The following ESRRB variants were observed in gnomAD, a reference collection of about 807,000 sequenced individuals.
ESRRB encodes estrogen related receptor beta.
Under a neutral mutation model 46.0 loss-of-function variants are expected in ESRRB, and 16 were observed. That is an observed-to-expected ratio of 0.35 (90% confidence interval 0.24 to 0.53). The LOEUF is 0.53. Ranked by LOEUF, ESRRB falls within the 20% of genes least tolerant of loss-of-function variation. The pLI, the probability that ESRRB is intolerant of heterozygous loss-of-function variation, is 0.93. For synonymous variants in ESRRB, 246 were observed against 259.6 expected, an observed-to-expected ratio of 0.95 and a Z score of 0.50; for missense variants, 488 against 607.4, an observed-to-expected ratio of 0.80 and a Z score of 2.07.
At chr14:76,411,847 A>G (rs1218088804) in intron 1 of ESRRB, among the ~76,000 whole-genome samples, 3 of 152,210 alleles carry the variant, frequency 2.0e-5, no homozygotes, top group African/African-American at 7.2e-5. Flanking sequence ...CCTCAACTAT[A>G]AGAATAGTAT....
intron 3 of ESRRB, among the ~76,000 whole-genome samples, chr14:76,476,485 A>G (rs895589582): frequency 2.0e-5 from 3 of 152,226 alleles, no homozygotes; most frequent in Admixed American, 2.0e-4. Flanking sequence ...CACAAACAAT[A>G]AGGCAACTCT....
chr14:76,367,873 G>C (rs978718991), upstream of ESRRB, among the ~76,000 whole-genome samples: 1 of 151,302 alleles, frequency 6.6e-6, no homozygotes, highest in Non-Finnish European at 1.5e-5. Flanking sequence ...TCCTTGTGGT[G>C]CTCAGACACC....
At chr14:76,460,292 C>T (rs1255767409) in intron 2 of ESRRB, among the ~76,000 whole-genome samples, 4 of 152,212 alleles carry the variant, frequency 2.6e-5, no homozygotes, top group African/African-American at 9.6e-5. Flanking sequence ...TCCCCATCCT[C>T]CTTGTGAGAT....
chr14:76,332,608 TTATATATTATATAAA>T (rs1566853125), intron 1 of ESRRB, among the ~76,000 whole-genome samples: 10 of 44,314 alleles, frequency 2.3e-4, no homozygotes, highest in African/African-American at 1.1e-3. Context: ...TATTATATAT[TTATATATTATATAAA>T]TATATATTAT....
intron 1 of ESRRB, among the ~76,000 whole-genome samples, chr14:76,392,017 C>T (rs1228258374): frequency 3.9e-5 from 6 of 152,238 alleles, no homozygotes; most frequent in Admixed American, 3.9e-4. Flanking sequence ...TTTCTTTCTG[C>T]TGGCAACATC....
At chr14:76,377,058 C>T (rs1198905585) in intron 1 of ESRRB, among the ~76,000 whole-genome samples, 1 of 152,180 alleles carries the variant, frequency 6.6e-6, no homozygotes, top group African/African-American at 2.4e-5. Context: ...CCCAGCGCTG[C>T]GTCGTAGGCA....
chr14:76,329,437 G>A (rs893055902), intron 1 of ESRRB, among the ~76,000 whole-genome samples: 2 of 152,124 alleles, frequency 1.3e-5, no homozygotes, highest in African/African-American at 4.8e-5. Flanking sequence ...AAACAGCTGT[G>A]CACAGCAGAA....
chr14:76,334,358 C>T (rs1884100369), intron 1 of ESRRB, among the ~76,000 whole-genome samples: 1 of 152,136 alleles, frequency 6.6e-6, no homozygotes, highest in African/African-American at 2.4e-5. Flanking sequence ...ACACCTGTTC[C>T]CAGGTGAAGG....
intron 2 of ESRRB, among the ~76,000 whole-genome samples, chr14:76,452,326 A>C (rs1421196700): frequency 5.3e-5 from 8 of 152,056 alleles, no homozygotes; most frequent in Admixed American, 5.2e-4. Flanking sequence ...GGCTTGAGGA[A>C]CTTTCAAAAG....
At chr14:76,457,002 G>T (rs1888642178) in intron 2 of ESRRB, among the ~76,000 whole-genome samples, 1 of 152,110 alleles carries the variant, frequency 6.6e-6, no homozygotes, top group Non-Finnish European at 1.5e-5. Context: ...GAGCCCACAG[G>T]TCCCCGAGAG....
At chr14:76,483,156 G>A (rs1044351871) in intron 5 of ESRRB, among the ~76,000 whole-genome samples, 3 of 152,224 alleles carry the variant, frequency 2.0e-5, no homozygotes, top group Admixed American at 1.3e-4. Flanking sequence ...CCTATTGGAG[G>A]CAGCAGAATG....
chr14:76,480,021 C>T (rs1256758840), intron 3 of ESRRB, among the ~76,000 whole-genome samples: 2 of 152,128 alleles, frequency 1.3e-5, no homozygotes, highest in Non-Finnish European at 2.9e-5. Flanking sequence ...GCACGTGCCA[C>T]CACACCTGGC....
At chr14:76,438,705 T>C (rs998937133) in intron 1 of ESRRB, among the ~76,000 whole-genome samples, 1 of 152,148 alleles carries the variant, frequency 6.6e-6, no homozygotes, top group Non-Finnish European at 1.5e-5. Context: ...ATTATTGTTA[T>C]GCAGGAAGGT....
At chr14:76,447,697 C>G (rs987875581) in intron 2 of ESRRB, among the ~76,000 whole-genome samples, 3 of 152,130 alleles carry the variant, frequency 2.0e-5, no homozygotes, top group Admixed American at 1.3e-4. Context: ...ACCTTTAACT[C>G]TGCTTCCTGT....
intron 1 of ESRRB, among the ~76,000 whole-genome samples, chr14:76,343,679 G>A (rs1205036775): frequency 6.6e-6 from 1 of 152,242 alleles, no homozygotes; most frequent in East Asian, 1.9e-4. Context: ...CTCATAGCAT[G>A]GTGATTAGGT....
intron 1 of ESRRB, among the ~76,000 whole-genome samples, chr14:76,329,983 G>A (rs1883992447): frequency 9.5e-6 from 1 of 105,004 alleles, no homozygotes; most frequent in Non-Finnish European, 2.0e-5. Flanking sequence ...GGAGGGAGGG[G>A]AAGAGGGAAG....
In ESRRB at chr14:76,439,668, G is replaced by A. The variant is rs190465039; in HGVS notation, c.378G>A (p.Val126=). The change falls in exon 2 of 7, where the codon GTG becomes GTA. Residue 126 remains valine (V), a synonymous_variant. Transcript: ENST00000644823. ...CCATCCCCAAGCGCCTGTGCCTCGT[G>A]TGCGGGGACATTGCCTCTGGCTACC... The part of the protein sequence containing the change: ...LNAIPKRLCL[V]CGDIASGYHY... The A allele has an allele frequency of 1.4e-5, 23 of 1,614,250 alleles. No individual in the cohort carries two copies. In the East Asian group the frequency reaches 4.5e-4, roughly 31 times the overall value.
chr14:76,453,629 G>T (rs571221762), intron 2 of ESRRB, among the ~76,000 whole-genome samples: 47 of 136,144 alleles, frequency 3.5e-4, no homozygotes, highest in Middle Eastern at 4.0e-3. Context: ...ACTGGGTCTC[G>T]CTCTGTCACC....
At position 76,435,464 on chromosome 14, in the gene ESRRB, G is replaced by A. The variant is rs140809268; in HGVS notation, c.51-3877G>A. ...GTTCCCATTATCTGGCCAGCACTTG[G>A]CACATAGTAGGTGCAAAAAATACAC... On this transcript the variant is annotated intron_variant, in intron 1 of 6. Transcript: ENST00000644823. Among the ~76,000 whole-genome samples the A allele has an allele frequency of 3.2e-3, 480 of 152,334 alleles. 6 individuals carry two copies. Among genetic ancestry groups the A allele is most frequent in the African/African-American group, 0.011 (460 of 41,574 alleles).
Sources: allele counts gnomAD v4.1 joint callset (sites outside exome capture counted in the v4.1 genomes callset), GRCh38; gene constraint gnomAD v4.1.1; transcripts MANE v1.5; gene names NCBI Gene and HGNC (gene_info 2026-07-23, HGNC 2026-07-21).